TRPM2: variants seen among roughly 807,000 people sequenced by gnomAD.
TRPM2 encodes transient receptor potential cation channel subfamily M member 2.
Under a neutral mutation model 174.0 loss-of-function variants are expected in TRPM2, and 161 were observed. The ratio of observed to expected loss-of-function variants is 0.93; its 90% CI spans 0.81 to 1.05. The LOEUF (loss-of-function observed/expected upper bound fraction) is 1.05, where lower values mean the gene tolerates loss of function less well. Among genes scored for constraint, TRPM2 ranks in the 50% least tolerant of loss-of-function variants. The pLI is 0.00. For missense variants in TRPM2, 2,057 were observed against 2,038.0 expected, an observed-to-expected ratio of 1.01 and a Z score of -0.18; for synonymous variants, 954 against 861.3, an observed-to-expected ratio of 1.11 and a Z score of -1.88.
Position 44,388,638 on chromosome 21 carries a change from ACC to A in TRPM2, c.1319-2264_1319-2263del, listed in dbSNP as rs529993975. Among the ~76,000 whole-genome samples, 655 of 122,426 alleles carry A rather than the reference ACC, an allele frequency of 5.4e-3. 3 individuals carry two copies. The highest frequency in any genetic ancestry group is 0.014 in the Middle Eastern group (3 of 214). 80.3% of individuals were successfully genotyped at this position (122,426 alleles called of 152,430 possible). A position where few individuals can be genotyped will look rare whatever the true frequency, so the allele number is the denominator to read the frequency against. ...GAGCCCAGCCTAGGCAACATGGAGA[ACC>A]CTGTCACTACAAAAAAAAAAAAAAA... On this transcript the variant is annotated intron_variant, in intron 9 of 31. Coordinates refer to ENST00000397928, the MANE Select transcript of TRPM2 (RefSeq NM_003307.4).
At chr21:44,362,132 A>G (rs951135177) in intron 2 of TRPM2, among the ~76,000 whole-genome samples, 4 of 152,206 alleles carry the variant, frequency 2.6e-5, no homozygotes, top group Non-Finnish European at 5.9e-5. Flanking sequence ...TGAGTGAAAT[A>G]TAGAAACATT....
At position 44,438,587 on chromosome 21, in the gene TRPM2, GGTCCCTGA is replaced by G. The variant is rs932986489; in HGVS notation, c.4168-476_4168-469del. On this transcript the variant is annotated intron_variant, in intron 29 of 31. Transcript: ENST00000397928. The surrounding 1 kb of genome is among the most constrained non-coding windows in gnomAD (Gnocchi z 5.9). ...GAGGAGGAGGTGCAGGCCGGAGCTG[GGTCCCTGA>G]GTCAGGTGGCGCTCGGGAGCGTCTG... 2.1e-4 allele frequency among the ~76,000 whole-genome samples: 32 copies of G among 152,174 alleles called. 1 individual carries two copies. Among genetic ancestry groups the G allele is most frequent in the African/African-American group, 6.8e-4 (28 of 41,442 alleles).
chr21:44,436,241 C>G (rs548546415), intron 28 of TRPM2, among the ~76,000 whole-genome samples: 2 of 152,300 alleles, frequency 1.3e-5, no homozygotes, highest in South Asian at 2.1e-4. Flanking sequence ...CTTGCTGCCC[C>G]CATTGGGCAG....
rs1602169282 is a variant in TRPM2, at chr21:44,379,029, C to A, written c.1047C>A (p.Pro349=). 6.2e-7 allele frequency: 1 copy of A among 1,609,432 alleles called. No individual in the cohort carries two copies. The highest frequency in any genetic ancestry group is 2.2e-5 in the East Asian group (1 of 44,882). Residue 349 remains proline, a synonymous_variant, in exon 8 of 32, where the codon CCC becomes CCA. Transcript: ENST00000397928. ...TIDNATTNGT[P]CVVVEGSGRV... The stretch of plus-strand genomic sequence containing the variant: ...ACAACGCCACCACCAACGGCACCCC[C>A]TGTGTGGTTGTGGAGGGCTCGGGCC...
intron 9 of TRPM2, 70 bp from the exon 10 acceptor site, chr21:44,390,834 C>T: frequency 1.2e-6 from 2 of 1,601,444 alleles, no homozygotes; most frequent in Non-Finnish European, 1.7e-6. Context: ...CTGACTCTGA[C>T]ATCATTTCCC....
intron 9 of TRPM2, among the ~76,000 whole-genome samples, chr21:44,389,609 T>A (rs952415052): frequency 6.6e-6 from 1 of 152,182 alleles, no homozygotes; most frequent in Non-Finnish European, 1.5e-5. Flanking sequence ...TGACATCTCA[T>A]TGTGGTTTGA....
chr21:44,360,471 C>T (rs972967009), intron 2 of TRPM2, among the ~76,000 whole-genome samples: 1 of 152,100 alleles, frequency 6.6e-6, no homozygotes, highest in Non-Finnish European at 1.5e-5. Context: ...TGCAGAAGGG[C>T]CCCACGGTTC....
chr21:44,367,011 C>T lies in TRPM2; in HGVS notation c.604+77C>T. ...GGAGGCAGTGCTGGGGCAATCAGGG[C>T]CATCAGGACCCAAAAAGTCCCTGGG... is the stretch of plus-strand genomic sequence containing the variant. On this transcript the variant is annotated intron_variant, in intron 4 of 31. Transcript: ENST00000397928. The surrounding 1 kb of genome is among the most constrained non-coding windows in gnomAD (Gnocchi z 4.6). 1.4e-6 allele frequency: 2 copies of T among 1,462,482 alleles called. No homozygotes were observed. The highest frequency in any genetic ancestry group is 1.8e-6 in the Non-Finnish European group (2 of 1,103,294). 90.6% of individuals were successfully genotyped at this position (1,462,482 alleles called of 1,614,324 possible).
intron 13 of TRPM2, 41 bp downstream of exon 13, chr21:44,397,917 C>T (rs373253901): frequency 1.7e-5 from 26 of 1,531,332 alleles, no homozygotes; most frequent in Admixed American, 2.0e-5. Flanking sequence ...ATGGCTCAGC[C>T]GTGCATGCCC....
chr21:44,409,580 ACCGCACTG>A (rs2050020890), intron 19 of TRPM2, among the ~76,000 whole-genome samples: 2 of 145,856 alleles, frequency 1.4e-5, no homozygotes, highest in South Asian at 2.2e-4. Context: ...GTAAGTTTTG[ACCGCACTG>A]TCTTGGTTGG....
chr21:44,401,699 T>TGTGGGC lies in TRPM2; in HGVS notation c.2341_2346dup (p.Val781_Gly782dup). ...GCCGCAGGGAGAAGAGGCTGCAGGA[T>TGTGGGC]GTGGGCACCCCCGCGGCCCGCGCCC... is the stretch of plus-strand genomic sequence containing the variant. On this transcript the variant is annotated inframe_insertion, in exon 16 of 32. Transcript: ENST00000397928. 6.2e-7 allele frequency: 1 copy of TGTGGGC among 1,612,996 alleles called. No homozygotes were observed. Among genetic ancestry groups the TGTGGGC allele is most frequent in the Non-Finnish European group, 8.5e-7 (1 of 1,179,880 alleles).
At chr21:44,370,198 G>C (rs1024887402) in intron 5 of TRPM2, among the ~76,000 whole-genome samples, 4 of 152,142 alleles carry the variant, frequency 2.6e-5, no homozygotes, top group Non-Finnish European at 5.9e-5. Context: ...GAGGGAGGGG[G>C]CGTGGCCAGC....
chr21:44,438,924 A>G lies in TRPM2; in HGVS notation c.4168-143A>G. 1 of 618,982 alleles carries G rather than the reference A, an allele frequency of 1.6e-6. No homozygotes were observed. The highest frequency in any genetic ancestry group is 2.8e-6 in the Non-Finnish European group (1 of 353,624). The allele number at this position is 618,982 out of a possible 1,614,324, so 38.3% of individuals were successfully genotyped here. ...GGCGGGTTCTGGGCAATGTCACTGC[A>G]GCCTGAGATGCCGCCTGCCTGTGGC... On this transcript the variant is annotated intron_variant, in intron 29 of 31. Coordinates refer to ENST00000397928, the MANE Select transcript of TRPM2 (RefSeq NM_003307.4). The surrounding 1 kb of genome is among the most constrained non-coding windows in gnomAD (Gnocchi z 5.9).
In TRPM2 at chr21:44,353,635, G is replaced by A; in HGVS notation, c.-66G>A. On this transcript the variant is annotated 5_prime_UTR_variant, in exon 1 of 32. Coordinates refer to ENST00000397928, the MANE Select transcript of TRPM2 (RefSeq NM_003307.4). ...CATGTGTCTCTAGAACCCCAGTGTA[G>A]CGAGCTGGAGAGAGGACTGTCCTGA... The A allele has an allele frequency of 7.2e-7, 1 of 1,391,228 alleles. No homozygotes were observed. Among genetic ancestry groups the A allele is most frequent in the East Asian group, 3.0e-5 (1 of 32,936 alleles). The allele number at this position is 1,391,228 out of a possible 1,614,324, so 86.2% of individuals were successfully genotyped here.
intron 11 of TRPM2, among the ~76,000 whole-genome samples, chr21:44,394,844 G>GT (rs1324531667): frequency 3.3e-5 from 5 of 151,996 alleles, no homozygotes; most frequent in Non-Finnish European, 4.4e-5. Context: ...GTGGGAGATG[G>GT]TTTTTTTTCT....
intron 16 of TRPM2, among the ~76,000 whole-genome samples, chr21:44,403,605 A>T (rs2049713543): frequency 6.6e-6 from 1 of 151,232 alleles, no homozygotes; most frequent in African/African-American, 2.4e-5. Flanking sequence ...CACACAGTAC[A>T]CACATAGGCA....
In TRPM2 at chr21:44,406,464, T is replaced by C; in HGVS notation, c.2791-130T>C. 5 of 1,174,916 alleles carry C rather than the reference T, an allele frequency of 4.3e-6. No individual in the cohort carries two copies. In the South Asian group the frequency reaches 6.3e-5, roughly 15 times the overall value. The allele number at this position is 1,174,916 out of a possible 1,614,324, so 72.8% of individuals were successfully genotyped here. ...GTGGGGGCAGCCCCAGGACTGCTCC[T>C]GGGAGCCTCCTGCATGCCGTGTCTG... On this transcript the variant is annotated intron_variant, in intron 18 of 31. Coordinates refer to ENST00000397928, the MANE Select transcript of TRPM2 (RefSeq NM_003307.4).
chr21:44,439,046 C>T lies in TRPM2; in HGVS notation c.4168-21C>T. On this transcript the variant is annotated intron_variant, in intron 29 of 31. Transcript: ENST00000397928. This position sits in a 1 kb window ranked among gnomAD's most constrained non-coding sequence, Gnocchi z 5.1. ...CCGCTTCGGTGCCCTGTTGACCTGCCTCCGTCCTCTGTCTGTCCAGGGCTC... is the reference window on the plus strand; with the variant it reads ...CCGCTTCGGTGCCCTGTTGACCTGCTTCCGTCCTCTGTCTGTCCAGGGCTC... The T allele has an allele frequency of 6.2e-7, 1 of 1,606,008 alleles. No individual in the cohort carries two copies. Among genetic ancestry groups the T allele is most frequent in the East Asian group, 2.2e-5 (1 of 44,788 alleles).
chr21:44,371,680 T>C (rs2048546639), intron 5 of TRPM2, among the ~76,000 whole-genome samples: 1 of 152,256 alleles, frequency 6.6e-6, no homozygotes, highest in Non-Finnish European at 1.5e-5. Flanking sequence ...AACTGACATC[T>C]GCAAAGATGC....
Sources: allele counts gnomAD v4.1 joint callset (sites outside exome capture counted in the v4.1 genomes callset), GRCh38; gene constraint gnomAD v4.1.1; non-coding constraint Gnocchi (gnomAD v3.1); transcripts MANE v1.5; gene names NCBI Gene and HGNC (gene_info 2026-07-23, HGNC 2026-07-21).